ADAMTS17: variants seen among roughly 807,000 people sequenced by gnomAD.
ADAMTS17 encodes the protein ADAM metallopeptidase with thrombospondin type 1 motif 17.
In ADAMTS17, 113 loss-of-function variants were observed where a neutral mutation model predicts 141.5. The ratio of observed to expected loss-of-function variants is 0.80; its 90% CI spans 0.69 to 0.93. The LOEUF (loss-of-function observed/expected upper bound fraction) is 0.93, where lower values mean the gene tolerates loss of function less well. Ranked by LOEUF, ADAMTS17 falls within the 40% of genes least tolerant of loss-of-function variation. The probability of loss-of-function intolerance (pLI) is 0.00; values close to 1 mark genes in which losing one functional copy is unlikely to be tolerated. For missense variants in ADAMTS17, 1,659 were observed against 1,517.9 expected (o/e 1.09, Z -1.54); for synonymous variants, 768 against 630.6 (o/e 1.22, Z -3.27).
At chr15:100,212,848 G>GGGGGT (rs1278199815) in intron 7 of ADAMTS17, among the ~76,000 whole-genome samples, 1 of 151,436 alleles carries the variant, frequency 6.6e-6, no homozygotes, top group African/African-American at 2.4e-5. Context: ...TGCCTGGGGC[G>GGGGGT]GGGGTGGGGT....
chr15:99,986,836 AC>A (rs1567644936), intron 20 of ADAMTS17, among the ~76,000 whole-genome samples: 1 of 152,114 alleles, frequency 6.6e-6, no homozygotes, highest in Non-Finnish European at 1.5e-5. Flanking sequence ...GTGGGTGAAA[AC>A]AACGATCAGC....
intron 6 of ADAMTS17, among the ~76,000 whole-genome samples, chr15:100,255,710 A>T (rs2043305063): frequency 6.6e-6 from 1 of 151,694 alleles, no homozygotes. Flanking sequence ...GCTTTGCCCC[A>T]TCATCTAAGC....
intron 3 of ADAMTS17, among the ~76,000 whole-genome samples, chr15:100,285,869 G>C (rs986668631): frequency 6.6e-6 from 1 of 152,112 alleles, no homozygotes; most frequent in African/African-American, 2.4e-5. Flanking sequence ...TCAGCCTTTG[G>C]GTGACTGCTG....
chr15:100,244,531 G>C (rs2042928552), intron 7 of ADAMTS17, among the ~76,000 whole-genome samples: 2 of 151,834 alleles, frequency 1.3e-5, no homozygotes, highest in African/African-American at 2.4e-5. Flanking sequence ...TGCTGTTCTG[G>C]TGATAGCGAA....
At chr15:100,244,588 T>C (rs564583073) in intron 7 of ADAMTS17, among the ~76,000 whole-genome samples, 1 of 152,080 alleles carries the variant, frequency 6.6e-6, no homozygotes, top group South Asian at 2.1e-4. Context: ...GTCATGCCTG[T>C]CCCCGCTTCT....
intron 18 of ADAMTS17, among the ~76,000 whole-genome samples, chr15:100,031,640 G>C (rs964660575): frequency 1.3e-5 from 2 of 152,178 alleles, no homozygotes; most frequent in Non-Finnish European, 2.9e-5. Flanking sequence ...CATGCCACCG[G>C]AATGAAATCT....
At chr15:100,231,884 C>G (rs1363530609) in intron 7 of ADAMTS17, among the ~76,000 whole-genome samples, 1 of 152,176 alleles carries the variant, frequency 6.6e-6, no homozygotes, top group Non-Finnish European at 1.5e-5. Context: ...ATTCCTCATC[C>G]TTTTTCTTCC....
At chr15:100,238,167 C>G (rs1180327642) in intron 7 of ADAMTS17, among the ~76,000 whole-genome samples, 1 of 152,244 alleles carries the variant, frequency 6.6e-6, no homozygotes, top group Admixed American at 6.5e-5. Context: ...TGGCCCTGGC[C>G]TGCAAACGGG....
At chr15:100,097,818 A>C (rs1169076906) in intron 14 of ADAMTS17, among the ~76,000 whole-genome samples, 1 of 152,196 alleles carries the variant, frequency 6.6e-6, no homozygotes, top group Non-Finnish European at 1.5e-5. Flanking sequence ...ATGCTACTCA[A>C]AGGAATAGGT....
chr15:100,302,837 C>CTGGATG (rs2045089782), intron 3 of ADAMTS17, among the ~76,000 whole-genome samples: 1 of 151,986 alleles, frequency 6.6e-6, no homozygotes, highest in African/African-American at 2.4e-5. Flanking sequence ...GCAGGCCCAC[C>CTGGATG]CTTAATCTAG....
intron 14 of ADAMTS17, 149 bp downstream of exon 14, chr15:100,108,840 G>T: frequency 7.4e-7 from 1 of 1,352,568 alleles, no homozygotes; most frequent in Non-Finnish European, 1.0e-6. Flanking sequence ...AGGCAACACT[G>T]GCGGCAGGAG....
intron 14 of ADAMTS17, among the ~76,000 whole-genome samples, chr15:100,098,586 C>G (rs902823345): frequency 6.6e-6 from 1 of 151,714 alleles, no homozygotes; most frequent in Non-Finnish European, 1.5e-5. Context: ...TAGCTTGAAC[C>G]TGGGAGGCGG....
chr15:99,976,296 A>T, intron 20 of ADAMTS17, 74 bp from the exon 21 acceptor site: 1 of 1,515,644 alleles, frequency 6.6e-7, no homozygotes, highest in South Asian at 1.2e-5. Flanking sequence ...ACAATGTGGC[A>T]CTGCGGAGAC....
chr15:100,232,742 T>C (rs1220446590), intron 7 of ADAMTS17, among the ~76,000 whole-genome samples: 2 of 152,178 alleles, frequency 1.3e-5, no homozygotes, highest in Non-Finnish European at 2.9e-5. Context: ...ATTTGGCCCA[T>C]GCGGGACACC....
At chr15:100,320,885 AAAT>A (rs1356044393) in intron 3 of ADAMTS17, among the ~76,000 whole-genome samples, 1 of 152,206 alleles carries the variant, frequency 6.6e-6, no homozygotes, top group Non-Finnish European at 1.5e-5. Flanking sequence ...GACAAAGCAA[AAAT>A]AATAATTTAG....
In ADAMTS17 at chr15:99,971,600, T is replaced by C. The variant is rs2060205025; in HGVS notation, c.*2802A>G. 4 of 152,190 alleles carry C rather than the reference T, an allele frequency of 2.6e-5. No individual in the cohort carries two copies. Among genetic ancestry groups the C allele is most frequent in the Admixed American group, 2.6e-4 (4 of 15,286 alleles). 9.4% of individuals were successfully genotyped at this position (152,190 alleles called of 1,614,324 possible). A position where few individuals can be genotyped will look rare whatever the true frequency, so the allele number is the denominator to read the frequency against. The stretch of plus-strand genomic sequence containing the variant: ...TAAAACAAAAATTCCATGGGTACAG[T>C]ATGTAATGCAAGTTAACGAATGGAA... On this transcript the variant is annotated 3_prime_UTR_variant, in exon 22 of 22. Coordinates refer to ENST00000268070, the MANE Select transcript of ADAMTS17 (RefSeq NM_139057.4).
chr15:100,182,724 T>A (rs1461588890), intron 8 of ADAMTS17, among the ~76,000 whole-genome samples: 1 of 152,152 alleles, frequency 6.6e-6, no homozygotes, highest in East Asian at 1.9e-4. Flanking sequence ...TGGCAGGGGG[T>A]GACAACTGAT....
At chr15:100,093,103 A>C (rs919188944) in intron 15 of ADAMTS17, among the ~76,000 whole-genome samples, 1 of 152,182 alleles carries the variant, frequency 6.6e-6, no homozygotes, top group Non-Finnish European at 1.5e-5. Context: ...TAAGTAGCTG[A>C]GGACCTCATT....
rs1394524331 is a variant in ADAMTS17, at chr15:99,974,397, G to T, written c.*5C>A. 6.2e-7 allele frequency: 1 copy of T among 1,614,010 alleles called. No homozygotes were observed. The highest frequency in any genetic ancestry group is 8.5e-7 in the Non-Finnish European group (1 of 1,180,054). On this transcript the variant is annotated 3_prime_UTR_variant, in exon 22 of 22. Transcript: ENST00000268070. ...TGAGCTTTGAGCGACCCTTGGGACT[G>T]CGTGTCACGAGTTCGGCGGTGGCTG...
Sources: gnomAD v4.1 joint callset for allele counts (sites outside exome capture counted in the v4.1 genomes callset) on GRCh38, gnomAD v4.1.1 for gene constraint, MANE v1.5 for transcripts, NCBI Gene and HGNC (gene_info 2026-07-23, HGNC 2026-07-21) for gene names.